KLRB1: variants seen among roughly 807,000 people sequenced by gnomAD.
KLRB1 encodes the protein killer cell lectin-like receptor subfamily B member 1.
In KLRB1, 27 loss-of-function variants were observed where a neutral mutation model predicts 33.5. The ratio of observed to expected loss-of-function variants is 0.81; its 90% CI spans 0.59 to 1.11. KLRB1 has a LOEUF of 1.11. KLRB1 is among the 50% of genes most tolerant of loss of function. The pLI is 0.00. For missense variants in KLRB1, 241 were observed against 254.1 expected (o/e 0.95, Z 0.35); for synonymous variants, 64 against 88.9 (o/e 0.72, Z 1.58).
In KLRB1 at chr12:9,595,283, A is replaced by C; in HGVS notation, c.669T>G (p.Pro223=). ...GAGATGGGATTCATAGTCAAGAGTC[A>C]GGATACACTTTATTTCTCACAGGTG... ...ELTPVRNKVY[P]DS is the part of the protein sequence containing the mutation. Residue 223 remains proline, a synonymous_variant, in exon 6 of 6, where the codon CCT becomes CCG. Transcript: ENST00000229402. 6.2e-7 allele frequency: 1 copy of C among 1,613,172 alleles called. No homozygotes were observed. The highest frequency in any genetic ancestry group is 8.5e-7 in the Non-Finnish European group (1 of 1,179,332).
At chr12:9,604,787 TACTG>T (rs1411848189) in intron 1 of KLRB1, among the ~76,000 whole-genome samples, 1 of 152,216 alleles carries the variant, frequency 6.6e-6, no homozygotes, top group African/African-American at 2.4e-5. Flanking sequence ...TCATCTTTTA[TACTG>T]ACTTAGTTAT....
chr12:9,605,445 A>G (rs1173213578), intron 1 of KLRB1, among the ~76,000 whole-genome samples: 4 of 152,224 alleles, frequency 2.6e-5, no homozygotes, highest in Admixed American at 2.6e-4. Flanking sequence ...CTATTTTACT[A>G]TAAACTCTAT....
intron 1 of KLRB1, 186 bp downstream of exon 1, chr12:9,607,569 T>C (rs941283183): frequency 1.3e-5 from 7 of 537,710 alleles, no homozygotes; most frequent in East Asian, 1.3e-4. Context: ...AAAAAATAAA[T>C]GTATGAGGTT....
intron 3 of KLRB1, among the ~76,000 whole-genome samples, 163 bp from the exon 4 acceptor site, chr12:9,598,816 A>G (rs1864515413): frequency 6.6e-6 from 1 of 152,196 alleles, no homozygotes; most frequent in African/African-American, 2.4e-5. Context: ...TTTGAGACCT[A>G]CTGTTCATTC....
At chr12:9,607,382 T>C (rs187618652) in intron 1 of KLRB1, among the ~76,000 whole-genome samples, 1,546 of 94,264 alleles carry the variant, frequency 0.016, 29 homozygotes, top group Middle Eastern at 0.029. Context: ...CTTTCTTTCT[T>C]TCTTTCTTTC....
chr12:9,595,212 T>C lies in KLRB1; in HGVS notation c.*62A>G. The stretch of plus-strand genomic sequence containing the variant: ...GCACTATTAGGTAGTACCAATAGTA[T>C]GTGCAGCTACAAGTACAGAGATCAG... On this transcript the variant is annotated 3_prime_UTR_variant, in exon 6 of 6. Coordinates refer to ENST00000229402, the MANE Select transcript of KLRB1 (RefSeq NM_002258.3). The C allele has an allele frequency of 1.4e-6, 2 of 1,444,766 alleles. No individual in the cohort carries two copies. Among genetic ancestry groups the C allele is most frequent in the Non-Finnish European group, 1.9e-6 (2 of 1,032,312 alleles). 89.5% of individuals were successfully genotyped at this position (1,444,766 alleles called of 1,614,324 possible).
chr12:9,599,705 T>A, intron 3 of KLRB1, 62 bp downstream of exon 3: 1 of 986,690 alleles, frequency 1.0e-6, no homozygotes, highest in Non-Finnish European at 1.6e-6. Context: ...GTGCCTAAGG[T>A]AACACATGAA....
chr12:9,607,182 A>G (rs1203156886), intron 1 of KLRB1, among the ~76,000 whole-genome samples: 2 of 152,068 alleles, frequency 1.3e-5, no homozygotes, highest in African/African-American at 2.4e-5. Flanking sequence ...TGTGTCTTAA[A>G]TATTCCTTAG....
intron 1 of KLRB1, among the ~76,000 whole-genome samples, chr12:9,607,366 T>TTCTTTCTCTCTTTCTC (rs1555097807): frequency 1.2e-5 from 1 of 82,036 alleles, no homozygotes; most frequent in African/African-American, 3.7e-5. Context: ...CTTTCTTTCT[T>TTCTTTCTCTCTTTCTC]TCTTTCTTTC....
At position 9,599,439 on chromosome 12, in the gene KLRB1, C is replaced by G. The variant is rs144638195; in HGVS notation, c.259+328G>C. Among the ~76,000 whole-genome samples the G allele has an allele frequency of 3.4e-3, 516 of 152,302 alleles. 3 individuals are homozygous for G. The highest frequency in any genetic ancestry group is 0.031 in the Middle Eastern group (9 of 294). On this transcript the variant is annotated intron_variant, in intron 3 of 5. Coordinates refer to ENST00000229402, the MANE Select transcript of KLRB1 (RefSeq NM_002258.3). ...ATTAACTTCAGACCAAACTTAACAG[C>G]TCACTAAAATAATCAGATATTTCAC...
intron 1 of KLRB1, among the ~76,000 whole-genome samples, chr12:9,604,175 A>G (rs1864575192): frequency 6.6e-6 from 1 of 152,156 alleles, no homozygotes; most frequent in South Asian, 2.1e-4. Context: ...CATTAGAATT[A>G]ATGAAGTTAC....
Position 9,595,108 on chromosome 12 carries a change from A to C in KLRB1, c.*166T>G. On this transcript the variant is annotated 3_prime_UTR_variant, in exon 6 of 6. Transcript: ENST00000229402. ...TCTGTTTCCTCATTTAATAGAATGAATATGATAAACATGAACTTCTGTAAG... is the reference window on the plus strand; with the variant it reads ...TCTGTTTCCTCATTTAATAGAATGACTATGATAAACATGAACTTCTGTAAG... 1.7e-6 allele frequency: 1 copy of C among 602,876 alleles called. No homozygotes were observed. Among genetic ancestry groups the C allele is most frequent in the Non-Finnish European group, 2.9e-6 (1 of 340,190 alleles). 37.3% of individuals were successfully genotyped at this position (602,876 alleles called of 1,614,324 possible).
intron 1 of KLRB1, among the ~76,000 whole-genome samples, chr12:9,607,362 T>TTCTC (rs1491521662): frequency 1.3e-5 from 1 of 78,784 alleles, no homozygotes; most frequent in African/African-American, 3.8e-5. Context: ...CTTCCTTTCT[T>TTCTC]TCTTTCTTTC....
At chr12:9,606,741 TATATATATATATA>T (rs1864607271) in intron 1 of KLRB1, among the ~76,000 whole-genome samples, 2 of 23,550 alleles carry the variant, frequency 8.5e-5, no homozygotes, top group African/African-American at 1.7e-4. Context: ...AAAGTATATA[TATATATATATATA>T]TATATATTTT....
At chr12:9,595,884 T>A (rs1044495488) in intron 5 of KLRB1, among the ~76,000 whole-genome samples, 5 of 152,142 alleles carry the variant, frequency 3.3e-5, no homozygotes, top group African/African-American at 1.2e-4. Flanking sequence ...TCTAGAGGCA[T>A]GATGGATATT....
intron 1 of KLRB1, among the ~76,000 whole-genome samples, chr12:9,607,300 CCTT>C (rs1864618126): frequency 1.3e-5 from 1 of 74,784 alleles, no homozygotes; most frequent in Non-Finnish European, 2.7e-5. Context: ...TTCTTTCTCT[CCTT>C]TCTTTCTTTC....
intron 1 of KLRB1, 103 bp downstream of exon 1, chr12:9,607,652 C>T (rs1386497719): frequency 2.6e-6 from 2 of 782,314 alleles, no homozygotes; most frequent in East Asian, 5.1e-5. Context: ...TAATATAAAA[C>T]TACTGCTCAT....
intron 1 of KLRB1, 118 bp from the exon 2 acceptor site, chr12:9,601,717 A>G: frequency 1.5e-6 from 1 of 664,698 alleles, no homozygotes; most frequent in East Asian, 2.8e-5. Context: ...AGGGACAATT[A>G]GATTCAGCTT....
chr12:9,596,389 C>A (rs1453647433), intron 5 of KLRB1, among the ~76,000 whole-genome samples: 1 of 152,130 alleles, frequency 6.6e-6, no homozygotes, highest in Non-Finnish European at 1.5e-5. Flanking sequence ...GCCAATCTGG[C>A]CAAGTCAACA....
Sources: gnomAD v4.1 joint callset for allele counts (sites outside exome capture counted in the v4.1 genomes callset) on GRCh38, gnomAD v4.1.1 for gene constraint, MANE v1.5 for transcripts, NCBI Gene and HGNC (gene_info 2026-07-23, HGNC 2026-07-21) for gene names.